The following NTM variants were observed in gnomAD, a reference collection of about 807,000 sequenced individuals.
NTM encodes the protein neurotrimin.
Under a neutral mutation model 42.1 loss-of-function variants are expected in NTM, and 13 were observed. The ratio of observed to expected loss-of-function variants is 0.31; its 90% CI spans 0.20 to 0.49. The LOEUF (loss-of-function observed/expected upper bound fraction) is 0.49, where lower values mean the gene tolerates loss of function less well. Among genes scored for constraint, NTM ranks in the 20% least tolerant of loss-of-function variants. The pLI, the probability that NTM is intolerant of heterozygous loss-of-function variation, is 0.99. For missense variants in NTM, 373 were observed against 452.8 expected, an observed-to-expected ratio of 0.82 and a Z score of 1.60; for synonymous variants, 187 against 179.2, an observed-to-expected ratio of 1.04 and a Z score of -0.35.
intron 1 of NTM, among the ~76,000 whole-genome samples, chr11:131,507,973 G>A (rs962731671): frequency 3.0e-4 from 46 of 152,160 alleles, no homozygotes; most frequent in African/African-American, 9.9e-4. Context: ...ACATAGGCAC[G>A]GGCAAGGACT....
intron 4 of NTM, among the ~76,000 whole-genome samples, chr11:132,290,563 G>A (rs2094423384): frequency 6.6e-6 from 1 of 152,198 alleles, no homozygotes; most frequent in Non-Finnish European, 1.5e-5. Flanking sequence ...TAAATTTATT[G>A]AGAGTGAGGA....
chr11:131,546,763 G>A (rs2054001480), intron 1 of NTM: 1 of 152,244 alleles, frequency 6.6e-6, no homozygotes, highest in South Asian at 2.1e-4. Flanking sequence ...ACCCTAGGAG[G>A]GAATGAGAAA....
rs112917313 is a variant in NTM at position 131,970,846 on chromosome 11, T to C, written c.167+59198T>C. 5.4e-3 allele frequency among the ~76,000 whole-genome samples: 820 copies of C among 152,332 alleles called. 5 individuals carry two copies. The highest frequency in any genetic ancestry group is 0.019 in the African/African-American group (786 of 41,570). ...GTTATCTTATTTTTCCCCTCATCTCTGATTCTATGCCTTGTCCCTTTCTGC... is the reference window on the plus strand; with the variant it reads ...GTTATCTTATTTTTCCCCTCATCTCCGATTCTATGCCTTGTCCCTTTCTGC... On this transcript the variant is annotated intron_variant, in intron 2 of 8. Transcript: ENST00000683400.
At chr11:131,925,383 CT>C (rs61493262) in intron 2 of NTM, among the ~76,000 whole-genome samples, 2,437 of 111,402 alleles carry the variant, frequency 0.022, 57 homozygotes, top group African/African-American at 0.072. Flanking sequence ...TTTCTTTTCT[CT>C]TTTTTTTTTT....
chr11:132,219,417 G>A (rs1030456108), intron 4 of NTM, among the ~76,000 whole-genome samples: 2 of 152,102 alleles, frequency 1.3e-5, no homozygotes, highest in South Asian at 2.1e-4. Flanking sequence ...ATGTTTTGGG[G>A]TCTTGTAAAT....
intron 2 of NTM, among the ~76,000 whole-genome samples, chr11:132,054,258 A>G (rs1376299496): frequency 6.6e-6 from 1 of 152,166 alleles, no homozygotes; most frequent in Non-Finnish European, 1.5e-5. Flanking sequence ...TCCACAGTGC[A>G]GTTTTAGCCT....
chr11:132,112,718 TACACACACACACACACAC>T (rs61630313), intron 2 of NTM, among the ~76,000 whole-genome samples: 3 of 142,072 alleles, frequency 2.1e-5, no homozygotes, highest in African/African-American at 2.6e-5. Flanking sequence ...ACTGCACACT[TACACACACACACACACAC>T]ACACACACAC....
chr11:132,104,626 A>AATG (rs2062061573), intron 2 of NTM, among the ~76,000 whole-genome samples: 1 of 148,078 alleles, frequency 6.8e-6, no homozygotes, highest in Non-Finnish European at 1.5e-5. Context: ...TCATAATAAT[A>AATG]ATAATGGGTG....
At chr11:131,873,977 TTATATATTA>T (rs1312896456) in intron 1 of NTM, among the ~76,000 whole-genome samples, 2 of 111,776 alleles carry the variant, frequency 1.8e-5, no homozygotes, top group African/African-American at 2.9e-5. Context: ...ATATTATATA[TTATATATTA>T]TATATATTAT....
intron 1 of NTM, among the ~76,000 whole-genome samples, chr11:131,655,520 G>C (rs1327761931): frequency 1.3e-5 from 2 of 152,310 alleles, no homozygotes; most frequent in Middle Eastern, 6.8e-3. Context: ...TCTCTGGCTC[G>C]GTTGTTTCTG....
chr11:132,031,814 C>T (rs776910651), intron 2 of NTM, among the ~76,000 whole-genome samples: 23 of 152,070 alleles, frequency 1.5e-4, no homozygotes, highest in Non-Finnish European at 3.4e-4. Context: ...TAATATTTTA[C>T]TCAGTGAGAG....
chr11:132,295,729 C>A (rs1238846759), intron 4 of NTM, among the ~76,000 whole-genome samples: 2 of 152,036 alleles, frequency 1.3e-5, no homozygotes, highest in African/African-American at 4.8e-5. Context: ...AATAAAGAAC[C>A]CAGAGATGTA....
intron 1 of NTM, among the ~76,000 whole-genome samples, chr11:131,446,567 C>A (rs531105176): frequency 1.3e-5 from 2 of 152,200 alleles, no homozygotes; most frequent in Admixed American, 1.3e-4. Context: ...CCCACCTAGG[C>A]GCACATTCGC....
chr11:131,641,644 A>C (rs1270941905), intron 1 of NTM, among the ~76,000 whole-genome samples: 1 of 152,144 alleles, frequency 6.6e-6, no homozygotes, highest in Non-Finnish European at 1.5e-5. Context: ...AAAAGACTAG[A>C]TAATTGGCAG....
At chr11:132,004,975 T>C (rs1235340641) in intron 2 of NTM, among the ~76,000 whole-genome samples, 4 of 152,172 alleles carry the variant, frequency 2.6e-5, no homozygotes, top group Non-Finnish European at 4.4e-5. Flanking sequence ...CCACGCAGAA[T>C]GACAACGGGA....
At chr11:131,904,316 C>T (rs1174433374) in intron 1 of NTM, among the ~76,000 whole-genome samples, 5 of 151,912 alleles carry the variant, frequency 3.3e-5, no homozygotes, top group African/African-American at 9.7e-5. Context: ...AAGTTAAAAC[C>T]TGGGGTTTTA....
intron 1 of NTM, among the ~76,000 whole-genome samples, chr11:131,717,326 A>G (rs7120759): frequency 0.65 from 98,659 of 152,078 alleles, 33,379 homozygotes; most frequent in East Asian, 0.8. Flanking sequence ...TATGGAGAAA[A>G]TGACATTTTA....
At chr11:131,940,178 C>G (rs2059645127) in intron 2 of NTM, among the ~76,000 whole-genome samples, 1 of 152,196 alleles carries the variant, frequency 6.6e-6, no homozygotes, top group Non-Finnish European at 1.5e-5. Flanking sequence ...CATTACATCT[C>G]TAACCTGGAG....
intron 4 of NTM, among the ~76,000 whole-genome samples, chr11:132,238,949 G>A (rs2089641013): frequency 6.6e-6 from 1 of 152,172 alleles, no homozygotes; most frequent in Non-Finnish European, 1.5e-5. Context: ...CATGCTCCAT[G>A]CAGTCTAATA....
Sources: gnomAD v4.1 joint callset for allele counts (sites outside exome capture counted in the v4.1 genomes callset) on GRCh38, gnomAD v4.1.1 for gene constraint, MANE v1.5 for transcripts, NCBI Gene and HGNC (gene_info 2026-07-23, HGNC 2026-07-21) for gene names.